Variants in KYAT1 observed in about 807,000 individuals in gnomAD.
The protein encoded by KYAT1 is kynurenine--oxoglutarate transaminase 1.
KYAT1 carries 47 observed loss-of-function variants against 52.4 expected under a neutral mutation model. The ratio of observed to expected loss-of-function variants is 0.90; its 90% CI spans 0.71 to 1.14. The LOEUF (loss-of-function observed/expected upper bound fraction) is 1.14. KYAT1 is among the 50% of genes most tolerant of loss of function. The probability of loss-of-function intolerance (pLI) is 0.00; values close to 1 mark genes in which losing one functional copy is unlikely to be tolerated. For missense variants in KYAT1, 480 were observed against 557.9 expected (o/e 0.86, Z 1.41); for synonymous variants, 212 against 209.6 (o/e 1.01, Z -0.10).
rs769315661 is a variant in KYAT1, at chr9:128,835,980, C to A, written c.765+17G>T. The stretch of plus-strand genomic sequence containing the variant: ...GATCTTGCAGGGGGTGGTGACCTCC[C>A]ACCCTCAGCAACTCACCTTCCAGCC... On this transcript the variant is annotated intron_variant, in intron 8 of 12. Transcript: ENST00000302586. 3 of 1,608,814 alleles carry A rather than the reference C, an allele frequency of 1.9e-6. No individual in the cohort carries two copies. The highest frequency in any genetic ancestry group is 2.6e-6 in the Non-Finnish European group (3 of 1,175,380).
intron 1 of KYAT1, among the ~76,000 whole-genome samples, chr9:128,847,878 C>T (rs1418353248): frequency 6.6e-6 from 1 of 152,142 alleles, no homozygotes; most frequent in Non-Finnish European, 1.5e-5. Context: ...TCACCAAGAG[C>T]ATAAACCAAA....
chr9:128,837,881 A>G, intron 5 of KYAT1, 68 bp from the exon 6 acceptor site: 6 of 1,575,368 alleles, frequency 3.8e-6, no homozygotes, highest in Admixed American at 3.3e-5. Flanking sequence ...CCCAGCATCT[A>G]TCCCCACCTT....
chr9:128,842,318 C>T (rs1832341261), intron 3 of KYAT1: 1 of 212,510 alleles, frequency 4.7e-6, no homozygotes, highest in African/African-American at 2.3e-5. Flanking sequence ...TCTTTCAGGA[C>T]TTGGTTTAAG....
intron 1 of KYAT1, among the ~76,000 whole-genome samples, chr9:128,864,213 A>G (rs978740933): frequency 1.3e-5 from 2 of 151,848 alleles, no homozygotes; most frequent in African/African-American, 4.8e-5. Flanking sequence ...ATACGAAAAA[A>G]AAATTAGCCA....
At chr9:128,861,319 T>C (rs151111520) in intron 1 of KYAT1, among the ~76,000 whole-genome samples, 1 of 152,258 alleles carries the variant, frequency 6.6e-6, no homozygotes, top group African/African-American at 2.4e-5. Flanking sequence ...CTGGCGATAA[T>C]GAGTGAGTTC....
chr9:128,876,511 G>A (rs373816093), intron 1 of KYAT1, among the ~76,000 whole-genome samples: 4 of 148,802 alleles, frequency 2.7e-5, no homozygotes, highest in African/African-American at 4.9e-5. Context: ...TCCACCTCCC[G>A]GGTTCACGCC....
intron 1 of KYAT1, chr9:128,846,600 C>CAAAAAAAAAAAAAAA (rs57333664): frequency 2.9e-5 from 12 of 419,214 alleles, no homozygotes; most frequent in Admixed American, 1.1e-4. Context: ...AAGACTCTAC[C>CAAAAAAAAAAAAAAA]AAAAAAAAAA....
intron 1 of KYAT1, among the ~76,000 whole-genome samples, chr9:128,875,238 G>GT (rs937445820): frequency 0.013 from 1,650 of 127,668 alleles, 26 homozygotes; most frequent in African/African-American, 0.039. Context: ...TGTTCAATTT[G>GT]TTTTTTTTTG....
intron 1 of KYAT1, among the ~76,000 whole-genome samples, chr9:128,859,322 C>T (rs1248206906): frequency 1.3e-5 from 2 of 149,014 alleles, no homozygotes; most frequent in African/African-American, 5.0e-5. Context: ...GATCGCGCCA[C>T]TGCACTCCAG....
intron 1 of KYAT1, 101 bp from the exon 2 acceptor site, chr9:128,845,512 T>A (rs2119165184): frequency 4.7e-6 from 5 of 1,060,806 alleles, no homozygotes; most frequent in Non-Finnish European, 7.1e-6. Context: ...CACAGCGCCA[T>A]CCTGTCTGCT....
At chr9:128,850,829 C>T (rs540799749) in intron 1 of KYAT1, among the ~76,000 whole-genome samples, 7 of 152,318 alleles carry the variant, frequency 4.6e-5, no homozygotes, top group South Asian at 2.1e-4. Flanking sequence ...CACCCTATGG[C>T]GGGAGGCGAG....
intron 1 of KYAT1, among the ~76,000 whole-genome samples, chr9:128,864,147 T>C (rs969938986): frequency 5.3e-5 from 8 of 151,798 alleles, no homozygotes; most frequent in African/African-American, 1.7e-4. Flanking sequence ...TGGATCACAA[T>C]GTCAGGAGAT....
intron 1 of KYAT1, among the ~76,000 whole-genome samples, chr9:128,881,247 A>C (rs902281269): frequency 1.3e-5 from 2 of 151,786 alleles, no homozygotes; most frequent in African/African-American, 2.4e-5. Flanking sequence ...CGCCCGGCTG[A>C]TTTTTTTGTA....
At chr9:128,879,238 A>G (rs1308046461) in intron 1 of KYAT1, among the ~76,000 whole-genome samples, 1 of 151,814 alleles carries the variant, frequency 6.6e-6, no homozygotes, top group Non-Finnish European at 1.5e-5. Flanking sequence ...TGAACCCGGG[A>G]GGTGGAGCTT....
chr9:128,833,555 G>A lies in KYAT1; in HGVS notation c.*29C>T. ...AAGAGGATCTCTGCGGGCATGTGGGGATGTCAGGGCCAAGGCGTGACTTCA... is the reference window on the plus strand; with the variant it reads ...AAGAGGATCTCTGCGGGCATGTGGGAATGTCAGGGCCAAGGCGTGACTTCA... On this transcript the variant is annotated 3_prime_UTR_variant, in exon 13 of 13. Transcript: ENST00000302586. 1.2e-6 allele frequency: 2 copies of A among 1,607,994 alleles called. No individual in the cohort carries two copies. The highest frequency in any genetic ancestry group is 8.5e-7 in the Non-Finnish European group (1 of 1,174,380).
intron 1 of KYAT1, among the ~76,000 whole-genome samples, chr9:128,878,282 G>A (rs543994020): frequency 1.4e-3 from 208 of 152,048 alleles, no homozygotes; most frequent in Non-Finnish European, 2.5e-3. Flanking sequence ...CCACAGGCAC[G>A]TGCCACCACA....
At chr9:128,852,480 C>A (rs891584308) in intron 1 of KYAT1, among the ~76,000 whole-genome samples, 2 of 152,208 alleles carry the variant, frequency 1.3e-5, no homozygotes, top group Non-Finnish European at 2.9e-5. Context: ...GTTCTTCAAC[C>A]AGTTAGAGAC....
At chr9:128,852,268 A>C (rs151110333) in intron 1 of KYAT1, among the ~76,000 whole-genome samples, 1 of 152,158 alleles carries the variant, frequency 6.6e-6, no homozygotes, top group Non-Finnish European at 1.5e-5. Context: ...CCAACCCGGG[A>C]TGCCCTCTCT....
chr9:128,833,571 C>T lies in KYAT1; in HGVS notation c.*13G>A, dbSNP rs370002595. The T allele has an allele frequency of 5.0e-5, 81 of 1,613,596 alleles. No homozygotes were observed. The highest frequency in any genetic ancestry group is 4.9e-4 in the Middle Eastern group (3 of 6,082). On this transcript the variant is annotated 3_prime_UTR_variant, in exon 13 of 13. Transcript: ENST00000302586. ...GCATGTGGGGATGTCAGGGCCAAGG[C>T]GTGACTTCAGGGCTAGAGTTCCACC...
Sources: allele counts gnomAD v4.1 joint callset (sites outside exome capture counted in the v4.1 genomes callset), GRCh38; gene constraint gnomAD v4.1.1; transcripts MANE v1.5; gene names NCBI Gene and HGNC (gene_info 2026-07-23, HGNC 2026-07-21).